The following LOC128092253 variants were observed in gnomAD, a reference collection of about 807,000 sequenced individuals.
chr6:133,977,234 C>T, the LOC128092253 span, among the ~76,000 whole-genome samples: 2 of 151,978 alleles, frequency 1.3e-5, no homozygotes, highest in African/African-American at 4.8e-5. Flanking sequence ...TAATTGAAAA[C>T]TTCTTATTAA....
the LOC128092253 span, among the ~76,000 whole-genome samples, chr6:133,959,000 A>G: frequency 6.2e-3 from 949 of 152,148 alleles, 4 homozygotes; most frequent in Non-Finnish European, 0.011. Flanking sequence ...ATAGAGATAT[A>G]TATTTCCTTT....
chr6:133,959,419 T>G, the LOC128092253 span, among the ~76,000 whole-genome samples: 1 of 152,164 alleles, frequency 6.6e-6, no homozygotes, highest in Admixed American at 6.5e-5. Flanking sequence ...ACTTGCCTGT[T>G]TTGAGACAAA....
At chr6:133,964,919 G>A in the LOC128092253 span, among the ~76,000 whole-genome samples, 9 of 152,054 alleles carry the variant, frequency 5.9e-5, no homozygotes, top group South Asian at 2.1e-4. Flanking sequence ...AGTTTCACCC[G>A]TTGTATTTTC....
the LOC128092253 span, among the ~76,000 whole-genome samples, chr6:133,976,042 A>T: frequency 6.6e-6 from 1 of 152,190 alleles, no homozygotes; most frequent in African/African-American, 2.4e-5. Context: ...ACAACCAGTT[A>T]AAAAAATCAT....
the LOC128092253 span, among the ~76,000 whole-genome samples, chr6:133,966,489 C>A: frequency 6.6e-6 from 1 of 152,132 alleles, no homozygotes; most frequent in African/African-American, 2.4e-5. Context: ...ACTAGGATTT[C>A]CAAATTTTCA....
chr6:133,963,983 A>G, the LOC128092253 span, among the ~76,000 whole-genome samples: 6 of 151,996 alleles, frequency 3.9e-5, no homozygotes, highest in Non-Finnish European at 8.8e-5. Context: ...GGAGGTTGCA[A>G]TGAGCCGAGA....
chr6:133,969,920 T>C, the LOC128092253 span, among the ~76,000 whole-genome samples: 403 of 152,352 alleles, frequency 2.6e-3, 1 homozygote, highest in African/African-American at 8.2e-3. Flanking sequence ...AGAATGTATC[T>C]TCATCTAATA....
chr6:133,966,160 T>G, the LOC128092253 span, among the ~76,000 whole-genome samples: 1 of 152,068 alleles, frequency 6.6e-6, no homozygotes, highest in Non-Finnish European at 1.5e-5. Flanking sequence ...TTTAATAACC[T>G]CAAGCTTACA....
the LOC128092253 span, among the ~76,000 whole-genome samples, chr6:133,965,376 A>G: frequency 6.6e-6 from 1 of 152,186 alleles, no homozygotes; most frequent in African/African-American, 2.4e-5. Context: ...TTGTATCACA[A>G]TTTAATATCC....
chr6:133,977,371 C>T, the LOC128092253 span, among the ~76,000 whole-genome samples: 1 of 152,182 alleles, frequency 6.6e-6, no homozygotes, highest in Non-Finnish European at 1.5e-5. Context: ...GAAAAATCAC[C>T]AATTTTGAAT....
chr6:133,956,883 A>G, the LOC128092253 span, among the ~76,000 whole-genome samples: 1 of 152,208 alleles, frequency 6.6e-6, no homozygotes, highest in Non-Finnish European at 1.5e-5. Flanking sequence ...GGAAATTTCA[A>G]AAGGATGAGA....
At chr6:133,959,880 A>C in the LOC128092253 span, among the ~76,000 whole-genome samples, 75 of 152,346 alleles carry the variant, frequency 4.9e-4, no homozygotes, top group African/African-American at 1.7e-3. Context: ...AAAAGTGCAA[A>C]TATGAAGATG....
the LOC128092253 span, among the ~76,000 whole-genome samples, chr6:133,979,603 A>G: frequency 6.6e-6 from 1 of 152,206 alleles, no homozygotes; most frequent in Non-Finnish European, 1.5e-5. Flanking sequence ...ATGTCATGTT[A>G]GCTTTTTTAA....
chr6:133,973,535 C>A, the LOC128092253 span, among the ~76,000 whole-genome samples: 2 of 152,050 alleles, frequency 1.3e-5, no homozygotes, highest in African/African-American at 4.8e-5. Flanking sequence ...ATTTTAAATG[C>A]AGTAGTCTTT....
chr6:133,964,435 TG>T, the LOC128092253 span, among the ~76,000 whole-genome samples: 4 of 151,780 alleles, frequency 2.6e-5, no homozygotes, highest in Admixed American at 1.3e-4. Context: ...TGTTTTGTTT[TG>T]TTTTTTTGGG....
chr6:133,976,553 G>A, the LOC128092253 span, among the ~76,000 whole-genome samples: 11 of 152,238 alleles, frequency 7.2e-5, no homozygotes, highest in South Asian at 1.7e-3. Context: ...TTTAAACAAA[G>A]TGGTGAGTCT....
chr6:133,963,357 A>G, the LOC128092253 span, among the ~76,000 whole-genome samples: 4 of 152,196 alleles, frequency 2.6e-5, no homozygotes, highest in Non-Finnish European at 5.9e-5. Context: ...ATCAAGGTCA[A>G]TTAAATCTGT....
chr6:133,959,617 G>C, the LOC128092253 span, among the ~76,000 whole-genome samples: 1 of 152,164 alleles, frequency 6.6e-6, no homozygotes, highest in East Asian at 1.9e-4. Flanking sequence ...GAGTAACTGG[G>C]ATTACAGGCA....
chr6:133,977,250 T>C, the LOC128092253 span, among the ~76,000 whole-genome samples: 4 of 152,152 alleles, frequency 2.6e-5, no homozygotes, highest in Admixed American at 2.6e-4. Context: ...ATTAAAGCAA[T>C]CTTTTCTGAG....
Sources: allele counts gnomAD v4.1 joint callset (sites outside exome capture counted in the v4.1 genomes callset), GRCh38; gene constraint gnomAD v4.1.1; transcripts MANE v1.5.